The following HFM1 variants were observed in gnomAD, a reference collection of about 807,000 sequenced individuals.
HFM1 encodes helicase for meiosis 1.
HFM1 carries 169 observed loss-of-function variants against 192.1 expected under a neutral mutation model. The ratio of observed to expected loss-of-function variants is 0.88; its 90% confidence interval spans 0.78 to 1.00. The LOEUF is 1.00. HFM1 is among the 50% of genes least tolerant of loss of function. HFM1 has a pLI of 0.00. For missense variants in HFM1, 1,661 were observed against 1,668.0 expected (o/e 1.00, Z 0.07); for synonymous variants, 525 against 537.8 (o/e 0.98, Z 0.33).
At chr1:91,282,898 T>G (rs914730444) in intron 30 of HFM1, among the ~76,000 whole-genome samples, 1 of 152,152 alleles carries the variant, frequency 6.6e-6, no homozygotes, top group African/African-American at 2.4e-5. Flanking sequence ...TGGTGCACAA[T>G]GACTAAGCAC....
intron 13 of HFM1, among the ~76,000 whole-genome samples, chr1:91,363,997 G>T (rs1658891932): frequency 6.6e-6 from 1 of 152,108 alleles, no homozygotes; most frequent in Non-Finnish European, 1.5e-5. Flanking sequence ...ATAACACATG[G>T]ACATATGGAG....
chr1:91,402,008 T>A (rs1326077533), intron 1 of HFM1, among the ~76,000 whole-genome samples: 1 of 152,048 alleles, frequency 6.6e-6, no homozygotes, highest in Non-Finnish European at 1.5e-5. Flanking sequence ...TTCTTAAACA[T>A]CATAGAACAT....
At chr1:91,326,591 G>C (rs1255793571) in intron 20 of HFM1, among the ~76,000 whole-genome samples, 1 of 152,174 alleles carries the variant, frequency 6.6e-6, no homozygotes, top group Non-Finnish European at 1.5e-5. Flanking sequence ...ATCAACACCA[G>C]ACGTGTCCTC....
chr1:91,306,677 T>C (rs1649658362), intron 30 of HFM1, among the ~76,000 whole-genome samples: 1 of 152,196 alleles, frequency 6.6e-6, no homozygotes, highest in African/African-American at 2.4e-5. Flanking sequence ...TTGTCAGGTT[T>C]TGACACACTG....
intron 38 of HFM1, 47 bp from the exon 39 acceptor site, chr1:91,261,406 T>G (rs1410874262): frequency 1.2e-6 from 1 of 865,090 alleles, no homozygotes; most frequent in Non-Finnish European, 1.6e-6. Context: ...TTAACACAAT[T>G]TATTTTAAAA....
chr1:91,317,666 C>T (rs950033505), intron 25 of HFM1, among the ~76,000 whole-genome samples: 1 of 152,118 alleles, frequency 6.6e-6, no homozygotes, highest in Non-Finnish European at 1.5e-5. Flanking sequence ...TTTACTTGTT[C>T]TTGGGAATTT....
At chr1:91,273,491 T>A (rs1666506089) in intron 34 of HFM1, among the ~76,000 whole-genome samples, 2 of 152,104 alleles carry the variant, frequency 1.3e-5, no homozygotes, top group African/African-American at 4.8e-5. Flanking sequence ...AATAGCATTA[T>A]GTAGGAAAGA....
chr1:91,325,134 G>T (rs557636717), intron 20 of HFM1, among the ~76,000 whole-genome samples: 1 of 152,202 alleles, frequency 6.6e-6, no homozygotes, highest in African/African-American at 2.4e-5. Context: ...AGGATGCATA[G>T]TCCCAGGCCT....
At chr1:91,379,258 T>A (rs4658219) in intron 8 of HFM1, 44 bp from the exon 9 acceptor site, 2 of 1,492,122 alleles carry the variant, frequency 1.3e-6, no homozygotes, top group Admixed American at 4.3e-5. Context: ...AGTTCAATTT[T>A]AAAATTCTTT....
At chr1:91,277,824 CTT>C (rs1667047289) in intron 30 of HFM1, among the ~76,000 whole-genome samples, 4 of 109,946 alleles carry the variant, frequency 3.6e-5, no homozygotes, top group African/African-American at 1.4e-4. Flanking sequence ...AATATATATA[CTT>C]TATATATAAT....
intron 30 of HFM1, among the ~76,000 whole-genome samples, chr1:91,303,159 T>C (rs1649097958): frequency 6.6e-6 from 1 of 152,138 alleles, no homozygotes. Flanking sequence ...ACCATATAAC[T>C]ATTATTAGTC....
intron 30 of HFM1, among the ~76,000 whole-genome samples, chr1:91,282,753 T>C (rs1186649198): frequency 5.2e-3 from 1 of 192 alleles, no homozygotes; most frequent in African/African-American, 0.033. Context: ...GAAGGAACCT[T>C]TGTTTTGAGG....
intron 30 of HFM1, among the ~76,000 whole-genome samples, chr1:91,287,993 C>G (rs1486435482): frequency 1.3e-5 from 2 of 151,780 alleles, no homozygotes; most frequent in Non-Finnish European, 2.9e-5. Flanking sequence ...AGCAAAGCCT[C>G]CAAGAAATAT....
intron 16 of HFM1, 56 bp downstream of exon 16, chr1:91,352,450 A>T (rs1657070148): frequency 1.5e-6 from 2 of 1,352,098 alleles, no homozygotes; most frequent in Non-Finnish European, 2.0e-6. Flanking sequence ...AAAATACACA[A>T]TTTTTTTGTT....
chr1:91,280,059 T>C (rs760622626), intron 30 of HFM1, among the ~76,000 whole-genome samples: 6 of 152,204 alleles, frequency 3.9e-5, no homozygotes, highest in Non-Finnish European at 8.8e-5. Flanking sequence ...AATATATTAA[T>C]GTATATATTA....
intron 30 of HFM1, among the ~76,000 whole-genome samples, chr1:91,298,781 G>A (rs1210500276): frequency 6.6e-6 from 1 of 152,172 alleles, no homozygotes; most frequent in Non-Finnish European, 1.5e-5. Context: ...AAGAGCTCCT[G>A]AAGGAAGCAA....
chr1:91,287,408 C>A (rs562649148), intron 30 of HFM1, among the ~76,000 whole-genome samples: 2 of 152,164 alleles, frequency 1.3e-5, no homozygotes, highest in African/African-American at 4.8e-5. Flanking sequence ...CAGACTGACA[C>A]CTCACACGTC....
intron 20 of HFM1, chr1:91,329,399 T>C (rs1408333271): frequency 1.9e-6 from 3 of 1,582,256 alleles, no homozygotes; most frequent in Non-Finnish European, 2.6e-6. Flanking sequence ...GCCGCCTGGA[T>C]GATTTCTTCA....
Position 91,324,767 on chromosome 1 carries a change from C to T in HFM1, c.2336-1G>A, listed in dbSNP as rs759128663. Reference sequence around the variant, plus strand: ...TACCAAGCCATCAATCTTCCTGCTTCTGTAAGAAAAGACAGAAAAATGAAC... The same window carrying T: ...TACCAAGCCATCAATCTTCCTGCTTTTGTAAGAAAAGACAGAAAAATGAAC... On this transcript the variant is annotated splice_acceptor_variant, in intron 20 of 38. Coordinates refer to ENST00000370425, the MANE Select transcript of HFM1 (RefSeq NM_001017975.6). LOFTEE classifies it high-confidence loss of function. 6.5e-7 allele frequency: 1 copy of T among 1,530,340 alleles called. No individual in the cohort carries two copies. The highest frequency in any genetic ancestry group is 9.0e-7 in the Non-Finnish European group (1 of 1,105,056). The allele number at this position is 1,530,340 out of a possible 1,614,324, so 94.8% of individuals were successfully genotyped here. A position where few individuals can be genotyped will look rare whatever the true frequency, so the allele number is the denominator to read the frequency against.
Sources: gnomAD v4.1 joint callset for allele counts (sites outside exome capture counted in the v4.1 genomes callset) on GRCh38, gnomAD v4.1.1 for gene constraint, MANE v1.5 for transcripts, NCBI Gene and HGNC (gene_info 2026-07-23, HGNC 2026-07-21) for gene names.